TNFAIP8: variants seen among roughly 807,000 people sequenced by gnomAD.
TNFAIP8 encodes the protein tumor necrosis factor alpha-induced protein 8.
TNFAIP8 carries 7 observed loss-of-function variants against 13.3 expected under a neutral mutation model. The ratio of observed to expected loss-of-function variants is 0.52; its 90% confidence interval spans 0.30 to 0.99. TNFAIP8 has a LOEUF of 0.99. Among genes scored for constraint, TNFAIP8 ranks in the 50% least tolerant of loss-of-function variants. TNFAIP8 has a pLI of 0.07. For synonymous variants in TNFAIP8, 94 were observed against 87.6 expected (o/e 1.07, Z -0.41); for missense variants, 258 against 236.9 (o/e 1.09, Z -0.58).
intron 1 of TNFAIP8, among the ~76,000 whole-genome samples, chr5:119,373,672 T>C (rs1293708048): frequency 6.6e-6 from 1 of 152,246 alleles, no homozygotes; most frequent in African/African-American, 2.4e-5. Flanking sequence ...TTTGGAAGAC[T>C]GGACGTGTGG....
chr5:119,365,454 T>G lies in TNFAIP8; in HGVS notation c.31+9333T>G, dbSNP rs138989400. ...TTATTCCTTGTGAGAACCAATGAGA[T>G]AATGTTAGTGTAAAGCTCAGTGCTC... On this transcript the variant is annotated intron_variant, in intron 1 of 1. Coordinates refer to ENST00000504771, the MANE Select transcript of TNFAIP8 (RefSeq NM_014350.4). 3.6e-3 allele frequency among the ~76,000 whole-genome samples: 552 copies of G among 152,290 alleles called. 2 individuals carry two copies. The highest frequency in any genetic ancestry group is 0.013 in the African/African-American group (538 of 41,570).
intron 1 of TNFAIP8, among the ~76,000 whole-genome samples, chr5:119,380,449 AT>A (rs1752445300): frequency 6.6e-6 from 1 of 152,240 alleles, no homozygotes; most frequent in African/African-American, 2.4e-5. Flanking sequence ...GGACGGGAGA[AT>A]TTAGGGATGG....
chr5:119,371,331 A>C (rs1752062046), intron 1 of TNFAIP8, among the ~76,000 whole-genome samples: 2 of 152,222 alleles, frequency 1.3e-5, no homozygotes, highest in South Asian at 2.1e-4. Context: ...ACAGCTTAAA[A>C]GTACTGTATG....
intron 1 of TNFAIP8, among the ~76,000 whole-genome samples, chr5:119,304,858 ACT>A (rs1198798090): frequency 2.6e-5 from 4 of 152,310 alleles, no homozygotes; most frequent in African/African-American, 9.6e-5. Flanking sequence ...ATAAATTCTA[ACT>A]CTGTGTTTGA....
chr5:119,378,156 T>A (rs774326874), intron 1 of TNFAIP8, among the ~76,000 whole-genome samples: 2 of 152,216 alleles, frequency 1.3e-5, no homozygotes, highest in Admixed American at 6.5e-5. Context: ...GGCCAAATAA[T>A]ATGATATCCA....
intron 1 of TNFAIP8, among the ~76,000 whole-genome samples, chr5:119,389,769 A>G (rs183886823): frequency 6.6e-6 from 1 of 152,312 alleles, no homozygotes; most frequent in African/African-American, 2.4e-5. Flanking sequence ...GAATAACCCA[A>G]AGAATAAAAG....
chr5:119,298,415 A>C (rs1049301896), intron 1 of TNFAIP8, among the ~76,000 whole-genome samples: 1 of 150,596 alleles, frequency 6.6e-6, no homozygotes, highest in Admixed American at 6.8e-5. Context: ...TCTTTTCTTT[A>C]AGAATGTTGA....
At chr5:119,283,010 C>T (rs192009279) in intron 1 of TNFAIP8, among the ~76,000 whole-genome samples, 2 of 152,340 alleles carry the variant, frequency 1.3e-5, no homozygotes, top group East Asian at 1.9e-4. Flanking sequence ...TTGTGTTCCT[C>T]CTGGTCGGTC....
At chr5:119,337,892 C>G (rs2112720296) in intron 1 of TNFAIP8, among the ~76,000 whole-genome samples, 1 of 152,364 alleles carries the variant, frequency 6.6e-6, no homozygotes, top group Middle Eastern at 3.4e-3. Context: ...AGCTGTAAGA[C>G]TGCCAAGTAG....
intron 1 of TNFAIP8, among the ~76,000 whole-genome samples, chr5:119,388,672 T>C (rs1293266958): frequency 1.3e-5 from 2 of 152,130 alleles, no homozygotes; most frequent in Non-Finnish European, 2.9e-5. Context: ...AGGGCCTTGC[T>C]GTGTCGCCCA....
At chr5:119,355,923 G>A, upstream of TNFAIP8, 1 of 1,365,996 alleles carries the variant, frequency 7.3e-7, no homozygotes, top group Non-Finnish European at 9.6e-7. Context: ...CTTTCCCCCT[G>A]AAAATCCCTG....
chr5:119,355,188 A>C, upstream of TNFAIP8: 5 of 663,618 alleles, frequency 7.5e-6, no homozygotes, highest in South Asian at 8.1e-5. Flanking sequence ...CAGCATTTCA[A>C]ATCCTGAAAA....
chr5:119,385,303 G>A (rs540989615), intron 1 of TNFAIP8, among the ~76,000 whole-genome samples: 2 of 152,202 alleles, frequency 1.3e-5, no homozygotes, highest in Non-Finnish European at 2.9e-5. Flanking sequence ...ACGCCCTGCT[G>A]TTGGATCTCT....
At position 119,380,175 on chromosome 5, in the gene TNFAIP8, A is replaced by T. The variant is rs534152369; in HGVS notation, c.32-12641A>T. Among the ~76,000 whole-genome samples, 3 of 152,362 alleles carry T rather than the reference A, an allele frequency of 2.0e-5. No homozygotes were observed. The East Asian group carries it at 5.8e-4, about 29-fold the overall frequency. Reference sequence around the variant, plus strand: ...TCCCCCAGGGTTAAGTAATAACAGGACCAAACCAGAAATTCATTTAAAAGT... The same window carrying T: ...TCCCCCAGGGTTAAGTAATAACAGGTCCAAACCAGAAATTCATTTAAAAGT... On this transcript the variant is annotated intron_variant, in intron 1 of 1. Coordinates refer to ENST00000504771, the MANE Select transcript of TNFAIP8 (RefSeq NM_014350.4).
upstream of TNFAIP8, among the ~76,000 whole-genome samples, chr5:119,351,603 A>T (rs983755028): frequency 1.3e-5 from 2 of 152,132 alleles, no homozygotes; most frequent in African/African-American, 2.4e-5. Flanking sequence ...TGATGGTTTT[A>T]TCCTGATGTA....
chr5:119,271,991 C>CTA (rs1401586701), intron 1 of TNFAIP8, among the ~76,000 whole-genome samples: 8 of 152,116 alleles, frequency 5.3e-5, no homozygotes, highest in Admixed American at 5.2e-4. Context: ...TTCTAGGCTT[C>CTA]TATACTTCAG....
At chr5:119,300,856 A>T (rs538224180) in intron 1 of TNFAIP8, among the ~76,000 whole-genome samples, 1 of 152,158 alleles carries the variant, frequency 6.6e-6, no homozygotes, top group Non-Finnish European at 1.5e-5. Context: ...TATGGAATCT[A>T]TGTGAGGTAG....
At chr5:119,357,801 T>G (rs1751487471) in intron 1 of TNFAIP8, among the ~76,000 whole-genome samples, 1 of 152,142 alleles carries the variant, frequency 6.6e-6, no homozygotes, top group African/African-American at 2.4e-5. Flanking sequence ...ATGTTTCTTT[T>G]AAAATAATCT....
rs575796193 is a variant in TNFAIP8 at position 119,360,952 on chromosome 5, G to A, written c.31+4831G>A. 3.3e-5 allele frequency among the ~76,000 whole-genome samples: 5 copies of A among 152,228 alleles called. No individual in the cohort carries two copies. The South Asian group carries it at 1.0e-3, about 32-fold the overall frequency. Reference sequence around the variant, plus strand: ...TTTGAAAGTTGTAGACCAAGTGAGAGGCAGGTAAACAGTGAGCTCACTTGT... The same window carrying A: ...TTTGAAAGTTGTAGACCAAGTGAGAAGCAGGTAAACAGTGAGCTCACTTGT... On this transcript the variant is annotated intron_variant, in intron 1 of 1. Coordinates refer to ENST00000504771, the MANE Select transcript of TNFAIP8 (RefSeq NM_014350.4).
Sources: gnomAD v4.1 joint callset for allele counts (sites outside exome capture counted in the v4.1 genomes callset) on GRCh38, gnomAD v4.1.1 for gene constraint, MANE v1.5 for transcripts, NCBI Gene and HGNC (gene_info 2026-07-23, HGNC 2026-07-21) for gene names.